SLC24A3: variants seen among roughly 807,000 people sequenced by gnomAD.
The protein encoded by SLC24A3 is solute carrier family 24 member 3.
SLC24A3 carries 28 observed loss-of-function variants against 75.8 expected under a neutral mutation model. The ratio of observed to expected loss-of-function variants is 0.37; its 90% CI spans 0.27 to 0.51. The LOEUF (loss-of-function observed/expected upper bound fraction) is 0.51. Among genes scored for constraint, SLC24A3 ranks in the 20% least tolerant of loss-of-function variants. SLC24A3 has a pLI of 0.94. For missense variants in SLC24A3, 663 were observed against 847.8 expected, an observed-to-expected ratio of 0.78 and a Z score of 2.71; for synonymous variants, 372 against 334.1, an observed-to-expected ratio of 1.11 and a Z score of -1.24.
chr20:19,390,237 G>A (rs1321849351), intron 2 of SLC24A3, among the ~76,000 whole-genome samples: 1 of 152,130 alleles, frequency 6.6e-6, no homozygotes, highest in African/African-American at 2.4e-5. Context: ...GTCAGCTAAT[G>A]TTTTTCATTT....
rs1386072559 is a variant in SLC24A3, at chr20:19,510,907, T to C, written c.272-4581T>C. On this transcript the variant is annotated intron_variant, in intron 2 of 16. Coordinates refer to ENST00000328041, the MANE Select transcript of SLC24A3 (RefSeq NM_020689.4). The stretch of plus-strand genomic sequence containing the variant: ...CAGACATGCGGATGGTTTCTTGATA[T>C]ATCACCTGTGACTCTTTCTAGGGCC... Among the ~76,000 whole-genome samples, 5 of 152,364 alleles carry C rather than the reference T, an allele frequency of 3.3e-5. No individual in the cohort carries two copies. The East Asian group carries it at 9.6e-4, about 29-fold the overall frequency.
At chr20:19,269,697 A>C (rs1240529327) in intron 1 of SLC24A3, among the ~76,000 whole-genome samples, 1 of 152,238 alleles carries the variant, frequency 6.6e-6, no homozygotes, top group South Asian at 2.1e-4. Context: ...AGTGTCATTC[A>C]GTATAATGGT....
chr20:19,517,663 C>A (rs1047519163), intron 3 of SLC24A3, among the ~76,000 whole-genome samples: 29 of 152,298 alleles, frequency 1.9e-4, no homozygotes, highest in Admixed American at 5.9e-4. Flanking sequence ...GTTCATGGAC[C>A]AAGGCCAGTG....
chr20:19,552,594 C>A (rs986389909), intron 3 of SLC24A3, among the ~76,000 whole-genome samples: 3 of 152,196 alleles, frequency 2.0e-5, no homozygotes, highest in African/African-American at 4.8e-5. Flanking sequence ...GGTCTCTGGG[C>A]TCCAGCAAGG....
Position 19,399,361 on chromosome 20 carries a change from C to A in SLC24A3, c.272-116127C>A, listed in dbSNP as rs546923903. ...GGAAGCTGAGATCACTGATTTGAAACCTTTCTTCTTTTTCAATATAGATAA... is the reference window on the plus strand; with the variant it reads ...GGAAGCTGAGATCACTGATTTGAAAACTTTCTTCTTTTTCAATATAGATAA... On this transcript the variant is annotated intron_variant, in intron 2 of 16. Coordinates refer to ENST00000328041, the MANE Select transcript of SLC24A3 (RefSeq NM_020689.4). Among the ~76,000 whole-genome samples the A allele has an allele frequency of 7.2e-5, 11 of 152,110 alleles. No homozygotes were observed. The South Asian group carries it at 1.0e-3, about 14-fold the overall frequency.
intron 3 of SLC24A3, among the ~76,000 whole-genome samples, chr20:19,548,770 T>G (rs909992540): frequency 1.3e-5 from 2 of 152,218 alleles, no homozygotes; most frequent in African/African-American, 4.8e-5. Flanking sequence ...TGATTACACT[T>G]GCAATATCTG....
At chr20:19,584,559 G>A (rs1386268550) in intron 4 of SLC24A3, among the ~76,000 whole-genome samples, 1 of 152,178 alleles carries the variant, frequency 6.6e-6, no homozygotes, top group East Asian at 1.9e-4. Flanking sequence ...ATAGAAAGAG[G>A]TGAATGCCCC....
At chr20:19,644,994 G>A (rs1347609509) in intron 6 of SLC24A3, among the ~76,000 whole-genome samples, 3 of 152,144 alleles carry the variant, frequency 2.0e-5, no homozygotes, top group East Asian at 1.9e-4. Flanking sequence ...CTGTGATGTC[G>A]TCTCCGATAG....
At chr20:19,693,589 A>T in intron 13 of SLC24A3, 164 bp downstream of exon 13, 1 of 817,448 alleles carries the variant, frequency 1.2e-6, no homozygotes, top group Non-Finnish European at 1.8e-6. Context: ...GCAGGCATCG[A>T]TTCTCCTGCT....
At chr20:19,595,842 T>C (rs1463628571) in intron 6 of SLC24A3, among the ~76,000 whole-genome samples, 1 of 152,068 alleles carries the variant, frequency 6.6e-6, no homozygotes, top group Non-Finnish European at 1.5e-5. Flanking sequence ...TTAGCGAGGG[T>C]GATCGGGGAA....
chr20:19,714,431 A>G (rs1367130842), intron 15 of SLC24A3, among the ~76,000 whole-genome samples: 1 of 150,184 alleles, frequency 6.7e-6, no homozygotes, highest in Non-Finnish European at 1.5e-5. Flanking sequence ...AAAAAACAAC[A>G]AAAAGAGGCA....
intron 2 of SLC24A3, among the ~76,000 whole-genome samples, chr20:19,378,310 T>C (rs1217810325): frequency 6.6e-6 from 1 of 151,940 alleles, no homozygotes; most frequent in East Asian, 1.9e-4. Context: ...AATAAAGTTA[T>C]CCAGGCCACT....
At chr20:19,639,749 C>T (rs926567788) in intron 6 of SLC24A3, among the ~76,000 whole-genome samples, 2 of 152,234 alleles carry the variant, frequency 1.3e-5, no homozygotes, top group Admixed American at 1.3e-4. Flanking sequence ...TCAGGCATGG[C>T]GGGCTGCAGG....
At chr20:19,237,632 T>C (rs1463254164) in intron 1 of SLC24A3, among the ~76,000 whole-genome samples, 4 of 152,148 alleles carry the variant, frequency 2.6e-5, no homozygotes, top group Non-Finnish European at 4.4e-5. Context: ...TCTCCATGCA[T>C]AGGACCTGTC....
chr20:19,313,803 C>T (rs920721273), intron 2 of SLC24A3, among the ~76,000 whole-genome samples: 8 of 152,216 alleles, frequency 5.3e-5, no homozygotes, highest in African/African-American at 1.9e-4. Context: ...TGAACCTTTT[C>T]TTCTGCCCTT....
chr20:19,515,387 TCCAA>T, intron 2 of SLC24A3, 97 bp from the exon 3 acceptor site: 1 of 1,091,306 alleles, frequency 9.2e-7, no homozygotes, highest in South Asian at 1.4e-5. Flanking sequence ...CTTTTTTTCA[TCCAA>T]GTTCATGGAC....
chr20:19,719,029 G>A (rs1024469627), intron 16 of SLC24A3, among the ~76,000 whole-genome samples: 4 of 152,134 alleles, frequency 2.6e-5, no homozygotes, highest in South Asian at 2.1e-4. Flanking sequence ...TTGGAGATGC[G>A]GGAATAAAAC....
intron 2 of SLC24A3, among the ~76,000 whole-genome samples, chr20:19,463,339 G>A (rs6112394): frequency 6.6e-6 from 1 of 152,184 alleles, no homozygotes. Context: ...AGGTACTCAA[G>A]GGCGCAGGTG....
At chr20:19,644,673 A>T (rs939601249) in intron 6 of SLC24A3, among the ~76,000 whole-genome samples, 2 of 152,198 alleles carry the variant, frequency 1.3e-5, no homozygotes, top group Non-Finnish European at 2.9e-5. Flanking sequence ...TCTTAATCAA[A>T]ATCTACAGAT....
Sources: allele counts gnomAD v4.1 joint callset (sites outside exome capture counted in the v4.1 genomes callset), GRCh38; gene constraint gnomAD v4.1.1; transcripts MANE v1.5; gene names NCBI Gene and HGNC (gene_info 2026-07-23, HGNC 2026-07-21).